BPIFC: variants seen among roughly 807,000 people sequenced by gnomAD.
BPIFC encodes BPI fold-containing family C protein.
A neutral mutation model predicts 57.6 loss-of-function variants in BPIFC; 60 were observed. The ratio of observed to expected loss-of-function variants is 1.04; its 90% CI spans 0.85 to 1.29. The LOEUF is 1.29. Ranked by LOEUF, BPIFC falls within the 50% of genes most tolerant of loss-of-function variation. The pLI, the probability that BPIFC is intolerant of heterozygous loss-of-function variation, is 0.00. For missense variants in BPIFC, 581 were observed against 600.5 expected, an observed-to-expected ratio of 0.97 and a Z score of 0.34; for synonymous variants, 243 against 224.5, an observed-to-expected ratio of 1.08 and a Z score of -0.74.
At chr22:32,419,606 C>A (rs2145910696) in intron 13 of BPIFC, among the ~76,000 whole-genome samples, 1 of 151,898 alleles carries the variant, frequency 6.6e-6, no homozygotes, top group African/African-American at 2.4e-5. Context: ...GAATTTGAGA[C>A]CAGCCTGGCC....
chr22:32,462,211 A>G (rs1334453047), intron 1 of BPIFC, among the ~76,000 whole-genome samples: 3 of 151,224 alleles, frequency 2.0e-5, no homozygotes, highest in Non-Finnish European at 4.4e-5. Context: ...AAAAAAGAAA[A>G]AAAAAAGAAA....
intron 3 of BPIFC, among the ~76,000 whole-genome samples, chr22:32,456,455 C>G (rs1935040846): frequency 6.7e-6 from 1 of 149,738 alleles, no homozygotes. Context: ...TCCCTCCCTC[C>G]CTCCCTTCCC....
chr22:32,455,690 C>T (rs1259899931), intron 3 of BPIFC, among the ~76,000 whole-genome samples: 1 of 152,188 alleles, frequency 6.6e-6, no homozygotes, highest in Non-Finnish European at 1.5e-5. Context: ...GCTCCGGCAG[C>T]ACAGACCTGA....
rs748508680 is a variant in BPIFC at position 32,433,731 on chromosome 22, G to A, written c.966C>T (p.Asn322=). ...CCTGAGCACTTACCCGGGAGAGCAC[G>A]TTGCCAAGGCCTTGAGAGTTTTGAA... ...HFVQNSQGLG[N]VLSRIAEIYI... Residue 322 remains asparagine (N), a synonymous_variant, in exon 11 of 17, where the codon AAC becomes AAT. Transcript: ENST00000300399. 7 of 1,613,900 alleles carry A rather than the reference G, an allele frequency of 4.3e-6. No homozygotes were observed. Among genetic ancestry groups the A allele is most frequent in the Admixed American group, 1.7e-5 (1 of 60,016 alleles).
chr22:32,414,296 C>G lies in BPIFC; in HGVS notation c.*7G>C, dbSNP rs376789096. On this transcript the variant is annotated 3_prime_UTR_variant, in exon 17 of 17. Coordinates refer to ENST00000300399, the MANE Select transcript of BPIFC (RefSeq NM_174932.3). ...TTTACTTCCTGGGGTGAATTGCAAACCGGCAATCAAGGGGCTGACTTCCCC... is the reference window on the plus strand; with the variant it reads ...TTTACTTCCTGGGGTGAATTGCAAAGCGGCAATCAAGGGGCTGACTTCCCC... 6.2e-7 allele frequency: 1 copy of G among 1,612,368 alleles called. No individual in the cohort carries two copies. The highest frequency in any genetic ancestry group is 8.5e-7 in the Non-Finnish European group (1 of 1,179,212).
intron 13 of BPIFC, among the ~76,000 whole-genome samples, chr22:32,424,600 T>TCTTCTTCTC (rs1223346653): frequency 2.5e-5 from 2 of 78,594 alleles, no homozygotes; most frequent in Non-Finnish European, 4.6e-5. Flanking sequence ...TTCTTCTTCT[T>TCTTCTTCTC]CTCCTCCTCC....
At chr22:32,456,722 A>G (rs1935047010) in intron 3 of BPIFC, among the ~76,000 whole-genome samples, 1 of 152,112 alleles carries the variant, frequency 6.6e-6, no homozygotes, top group African/African-American at 2.4e-5. Context: ...GCCCAAGGAA[A>G]ATCACATCCC....
Position 32,453,447 on chromosome 22 carries a change from C to G in BPIFC, c.181G>C (p.Asp61His), listed in dbSNP as rs991914010. The G allele has an allele frequency of 1.9e-6, 3 of 1,606,442 alleles. No individual in the cohort carries two copies. The highest frequency in any genetic ancestry group is 2.5e-6 in the Non-Finnish European group (3 of 1,178,270). ...EQMLKEKKLP[D>H]LSGSESLEFL... ...TCAAGAGACTCAGAACCGCTTAAAT[C>G]TGGGAGTTTCTTTTCTTTTAGCATT... Residue 61 changes from aspartate to histidine, a missense_variant, in exon 4 of 17, where the codon GAT becomes CAT. Coordinates refer to ENST00000300399, the MANE Select transcript of BPIFC (RefSeq NM_174932.3).
At chr22:32,442,628 G>C (rs368844237) in intron 8 of BPIFC, 43 bp downstream of exon 8, 11 of 1,580,400 alleles carry the variant, frequency 7.0e-6, no homozygotes, top group Non-Finnish European at 9.6e-6. Flanking sequence ...AGCTTTTGAA[G>C]GTAGGAAGAC....
At chr22:32,453,603 C>A in intron 3 of BPIFC, 100 bp from the exon 4 acceptor site, 1 of 1,348,238 alleles carries the variant, frequency 7.4e-7, no homozygotes, top group Non-Finnish European at 9.7e-7. Context: ...GAGACATGCC[C>A]TTAGATACTT....
At chr22:32,449,704 T>A (rs890686094) in intron 4 of BPIFC, among the ~76,000 whole-genome samples, 1 of 151,952 alleles carries the variant, frequency 6.6e-6, no homozygotes, top group African/African-American at 2.4e-5. Context: ...ACAGTGAACA[T>A]CCTCATACAT....
intron 5 of BPIFC, 37 bp from the exon 6 acceptor site, chr22:32,446,033 C>A: frequency 1.2e-6 from 2 of 1,607,510 alleles, no homozygotes; most frequent in South Asian, 1.1e-5. Context: ...AAGCCTGAGT[C>A]AGGCACAGAG....
chr22:32,453,762 A>C (rs1253450808), intron 3 of BPIFC, among the ~76,000 whole-genome samples: 1 of 152,190 alleles, frequency 6.6e-6, no homozygotes, highest in African/African-American at 2.4e-5. Context: ...GAGTTTTATC[A>C]CAGAACAGTG....
At chr22:32,422,266 G>A (rs1012041492) in intron 13 of BPIFC, among the ~76,000 whole-genome samples, 1 of 152,158 alleles carries the variant, frequency 6.6e-6, no homozygotes, top group African/African-American at 2.4e-5. Flanking sequence ...GAATGTGCGA[G>A]GCAATGTGAA....
intron 8 of BPIFC, among the ~76,000 whole-genome samples, chr22:32,441,763 G>A (rs1038870229): frequency 6.6e-6 from 1 of 152,172 alleles, no homozygotes; most frequent in Non-Finnish European, 1.5e-5. Flanking sequence ...ATATGTATCT[G>A]TTAAAGCAGC....
chr22:32,434,058 G>A lies in BPIFC; in HGVS notation c.925-286C>T, dbSNP rs535763687. ...TAGAATGTTTACACATGAATTGTAC[G>A]TATGTAGTACAACAAAGTTTTAGTT... On this transcript the variant is annotated intron_variant, in intron 10 of 16. Transcript: ENST00000300399. Among the ~76,000 whole-genome samples the A allele has an allele frequency of 9.7e-4, 144 of 148,362 alleles. 2 individuals are homozygous for A. Among genetic ancestry groups the A allele is most frequent in the African/African-American group, 3.1e-3 (125 of 40,334 alleles).
Position 32,437,799 on chromosome 22 carries a change from A to G in BPIFC, c.708T>C (p.Ser236=), listed in dbSNP as rs746785490. The G allele has an allele frequency of 6.2e-6, 10 of 1,612,344 alleles. No individual in the cohort carries two copies. In the African/African-American group the frequency reaches 6.7e-5, roughly 11 times the overall value. The change falls in exon 9 of 17, where the codon TCT becomes TCC. Residue 236 remains serine (S), a synonymous_variant. Transcript: ENST00000300399. ...YTLLDYSLIS[S]PEITENYLDL... is the part of the protein sequence containing the mutation. ...CAAGGTAGTTCTCAGTAATTTCTGG[A>G]GAACTGATTAGGGAGTAATCCAGCA...
chr22:32,417,128 A>G lies in BPIFC; in HGVS notation c.1281T>C (p.Ile427=). The G allele has an allele frequency of 6.2e-7, 1 of 1,607,114 alleles. No homozygotes were observed. The change falls in exon 15 of 17, where the codon ATT becomes ATC. Residue 427 remains isoleucine (I), a synonymous_variant. Coordinates refer to ENST00000300399, the MANE Select transcript of BPIFC (RefSeq NM_174932.3). Reference sequence around the variant, plus strand: ...CTCCAAAGTGAAGAATGGACGATAGAATATTTTCAAACCTCAAGACCTAAA... The same window carrying G: ...CTCCAAAGTGAAGAATGGACGATAGGATATTTTCAAACCTCAAGACCTAAA... ...SNIEVLRFEN[I]LSSILHFGVL...
At position 32,461,362 on chromosome 22, in the gene BPIFC, C is replaced by T. The variant is rs1601490127; in HGVS notation, c.-1+212G>A. On this transcript the variant is annotated intron_variant, in intron 2 of 16. Coordinates refer to ENST00000300399, the MANE Select transcript of BPIFC (RefSeq NM_174932.3). ...GGATGACTTGAGGGTGGTCAGGGTG[C>T]AGACAGCACTAAGGGAAGCACAGGG... 2.0e-5 allele frequency among the ~76,000 whole-genome samples: 3 copies of T among 152,112 alleles called. No homozygotes were observed. In the Middle Eastern group the frequency reaches 0.01, roughly 517 times the overall value.
Sources: allele counts gnomAD v4.1 joint callset (sites outside exome capture counted in the v4.1 genomes callset), GRCh38; gene constraint gnomAD v4.1.1; transcripts MANE v1.5; gene names NCBI Gene and HGNC (gene_info 2026-07-23, HGNC 2026-07-21).